CROT: variants seen among roughly 807,000 people sequenced by gnomAD.
The protein encoded by CROT is carnitine O-octanoyltransferase.
A neutral mutation model predicts 89.2 loss-of-function variants in CROT; 84 were observed. That is an observed-to-expected ratio of 0.94 (90% confidence interval 0.79 to 1.13). The LOEUF (loss-of-function observed/expected upper bound fraction) is 1.13, where lower values mean the gene tolerates loss of function less well. Ranked by LOEUF, CROT falls within the 50% of genes most tolerant of loss-of-function variation. CROT has a pLI of 0.00. For synonymous variants in CROT, 212 were observed against 239.5 expected, an observed-to-expected ratio of 0.89 and a Z score of 1.06; for missense variants, 711 against 727.8, an observed-to-expected ratio of 0.98 and a Z score of 0.27.
intron 17 of CROT, 31 bp downstream of exon 17, chr7:87,393,098 C>CT (rs1807422877): frequency 1.9e-6 from 3 of 1,602,674 alleles, no homozygotes; most frequent in African/African-American, 2.7e-5. Context: ...TCTTTCTGTG[C>CT]TATAGAGTAG....
intron 17 of CROT, among the ~76,000 whole-genome samples, chr7:87,395,583 A>T (rs758017900): frequency 3.9e-5 from 6 of 152,200 alleles, no homozygotes; most frequent in Non-Finnish European, 8.8e-5. Flanking sequence ...GTTAACTTTG[A>T]GCCTTGAAGG....
In CROT at chr7:87,349,201, T is replaced by C; in HGVS notation, c.115+18T>C. On this transcript the variant is annotated intron_variant, in intron 3 of 17. Coordinates refer to ENST00000331536, the MANE Select transcript of CROT (RefSeq NM_021151.4). The stretch of plus-strand genomic sequence containing the variant: ...TGAATCAGGTATGTTAATAATCTTT[T>C]AGTATATATTAATATTATTAGTAAC... 1 of 1,208,522 alleles carries C rather than the reference T, an allele frequency of 8.3e-7. No individual in the cohort carries two copies. The highest frequency in any genetic ancestry group is 1.2e-6 in the Non-Finnish European group (1 of 845,686). The allele number at this position is 1,208,522 out of a possible 1,614,324, so 74.9% of individuals were successfully genotyped here.
At position 87,359,341 on chromosome 7, in the gene CROT, T is replaced by C. The variant is rs369915446; in HGVS notation, c.240+11T>C. 8.2e-6 allele frequency: 13 copies of C among 1,589,346 alleles called. No homozygotes were observed. Among genetic ancestry groups the C allele is most frequent in the Non-Finnish European group, 9.4e-6 (11 of 1,165,292 alleles). The stretch of plus-strand genomic sequence containing the variant: ...GGAAAAAGAAATTGGGTATTTGTTG[T>C]TATAATTGAATAATGATGATGTTTA... On this transcript the variant is annotated intron_variant, in intron 4 of 17. Transcript: ENST00000331536.
At position 87,392,791 on chromosome 7, in the gene CROT, A is replaced by C; in HGVS notation, c.1566A>C (p.Pro522=). 6.2e-7 allele frequency: 1 copy of C among 1,613,792 alleles called. No homozygotes were observed. Among genetic ancestry groups the C allele is most frequent in the Non-Finnish European group, 8.5e-7 (1 of 1,179,812 alleles). ...CAAAAGAGGAAGGTCTTCCTGTTCC[A>C]GAACTCTTTACGGACCCACTTTTTT... The part of the protein sequence containing the change: ...LIAKEEGLPV[P]ELFTDPLFSK... Residue 522 remains proline, a synonymous_variant, in exon 16 of 18, where the codon CCA becomes CCC. Coordinates refer to ENST00000331536, the MANE Select transcript of CROT (RefSeq NM_021151.4).
At position 87,382,163 on chromosome 7, in the gene CROT, A is replaced by G. The variant is rs750382533; in HGVS notation, c.1152A>G (p.Lys384=). ...EKVLNDINQA[K]AQYLREASDL... ...TTTTAAATGACATCAACCAAGCTAA[A>G]GCCCAGTATCTCAGGGAGGTATATT... The change falls in exon 12 of 18, where the codon AAA becomes AAG. Residue 384 remains lysine, a synonymous_variant. Coordinates refer to ENST00000331536, the MANE Select transcript of CROT (RefSeq NM_021151.4). The G allele has an allele frequency of 1.2e-6, 2 of 1,611,266 alleles. No homozygotes were observed. The highest frequency in any genetic ancestry group is 2.7e-5 in the African/African-American group (2 of 74,874).
At chr7:87,362,833 A>G (rs1353927649) in intron 6 of CROT, among the ~76,000 whole-genome samples, 2 of 152,178 alleles carry the variant, frequency 1.3e-5, no homozygotes, top group East Asian at 3.8e-4. Flanking sequence ...AATCATGCTC[A>G]TAGTATGAGG....
intron 3 of CROT, among the ~76,000 whole-genome samples, chr7:87,355,575 C>T (rs1257683878): frequency 6.6e-6 from 1 of 151,066 alleles, no homozygotes. Flanking sequence ...ATTAAATAAC[C>T]CAAAGAATGA....
chr7:87,345,784 T>G lies in CROT; in HGVS notation c.-113+17T>G. On this transcript the variant is annotated intron_variant, in intron 1 of 17. Coordinates refer to ENST00000331536, the MANE Select transcript of CROT (RefSeq NM_021151.4). ...GACGGACAGGTCCGTTGAAGCAGCA[T>G]TCCCTCCCTCCCCTAATCCTTCAAC... 4.3e-5 allele frequency: 11 copies of G among 256,696 alleles called. No individual in the cohort carries two copies. The highest frequency in any genetic ancestry group is 5.1e-5 in the Non-Finnish European group (7 of 136,186). The allele number at this position is 256,696 out of a possible 1,614,324, so 15.9% of individuals were successfully genotyped here.
intron 6 of CROT, among the ~76,000 whole-genome samples, chr7:87,367,847 T>C (rs701339): frequency 0.92 from 140,066 of 152,226 alleles, 64,628 homozygotes; most frequent in African/African-American, 0.97. Flanking sequence ...GCCATCATCC[T>C]ATCTCTCTTA....
At chr7:87,390,943 C>T (rs1309841386) in intron 13 of CROT, among the ~76,000 whole-genome samples, 1 of 152,144 alleles carries the variant, frequency 6.6e-6, no homozygotes, top group East Asian at 1.9e-4. Context: ...TTTTGTGATG[C>T]AGCTTAGTTG....
rs528421656 is a variant in CROT, at chr7:87,399,710, T to A, written c.*1066T>A. On this transcript the variant is annotated 3_prime_UTR_variant, in exon 18 of 18. Coordinates refer to ENST00000331536, the MANE Select transcript of CROT (RefSeq NM_021151.4). The stretch of plus-strand genomic sequence containing the variant: ...GAATTTTTTCCTCCTCGCTGTTCAA[T>A]TTTGTAGTTTTTACTCTCAAAAAAT... 1.2e-4 allele frequency: 19 copies of A among 152,324 alleles called. No individual in the cohort carries two copies. Among genetic ancestry groups the A allele is most frequent in the African/African-American group, 4.6e-4 (19 of 41,590 alleles). The allele number at this position is 152,324 out of a possible 1,614,324, so 9.4% of individuals were successfully genotyped here.
At chr7:87,395,369 A>G (rs28860289) in intron 17 of CROT, among the ~76,000 whole-genome samples, 107,488 of 152,058 alleles carry the variant, frequency 0.71, 39,902 homozygotes, top group Middle Eastern at 0.83. Flanking sequence ...CACTGACTCA[A>G]ATGTTAATCT....
chr7:87,393,375 A>G (rs1807430523), intron 17 of CROT, among the ~76,000 whole-genome samples: 1 of 152,228 alleles, frequency 6.6e-6, no homozygotes, highest in Non-Finnish European at 1.5e-5. Context: ...AAGGTATTTT[A>G]TAATAAGCTC....
At chr7:87,388,449 C>A (rs1156359493) in intron 13 of CROT, among the ~76,000 whole-genome samples, 2 of 152,100 alleles carry the variant, frequency 1.3e-5, no homozygotes, top group Non-Finnish European at 2.9e-5. Flanking sequence ...TGGAACAGAA[C>A]AGAGGCCTTA....
At chr7:87,359,101 T>C in intron 3 of CROT, 105 bp from the exon 4 acceptor site, 1 of 788,778 alleles carries the variant, frequency 1.3e-6, no homozygotes, top group Non-Finnish European at 2.2e-6. Context: ...AATACAGTAC[T>C]GTGTTTTACA....
chr7:87,398,941 C>G lies in CROT; in HGVS notation c.*297C>G, dbSNP rs1807652190. ...TCCAAATCTACAAACTTTAACAATG[C>G]AAGTCTTACTCTAATTTTTAAGTAT... is the stretch of plus-strand genomic sequence containing the variant. On this transcript the variant is annotated 3_prime_UTR_variant, in exon 18 of 18. Transcript: ENST00000331536. The G allele has an allele frequency of 3.5e-6, 1 of 282,832 alleles. No individual in the cohort carries two copies. The highest frequency in any genetic ancestry group is 6.6e-6 in the Non-Finnish European group (1 of 151,816). The allele number at this position is 282,832 out of a possible 1,614,324, so 17.5% of individuals were successfully genotyped here. A position where few individuals can be genotyped will look rare whatever the true frequency, so the allele number is the denominator to read the frequency against.
At chr7:87,386,964 C>T (rs117947845) in intron 13 of CROT, among the ~76,000 whole-genome samples, 2 of 152,254 alleles carry the variant, frequency 1.3e-5, no homozygotes, top group East Asian at 3.9e-4. Flanking sequence ...GGGTGTCTGT[C>T]TGCCTTGATC....
At chr7:87,353,430 T>G (rs1400164782) in intron 3 of CROT, among the ~76,000 whole-genome samples, 3 of 152,200 alleles carry the variant, frequency 2.0e-5, no homozygotes, top group African/African-American at 7.2e-5. Context: ...ATTACAGGTG[T>G]GAGCCACTAC....
chr7:87,393,096 T>G, intron 17 of CROT, 29 bp downstream of exon 17: 1 of 1,603,218 alleles, frequency 6.2e-7, no homozygotes, highest in Admixed American at 1.7e-5. Flanking sequence ...ATTCTTTCTG[T>G]GCTATAGAGT....
Sources: allele counts gnomAD v4.1 joint callset (sites outside exome capture counted in the v4.1 genomes callset), GRCh38; gene constraint gnomAD v4.1.1; transcripts MANE v1.5; gene names NCBI Gene and HGNC (gene_info 2026-07-23, HGNC 2026-07-21).